GALNT13: variants seen among roughly 807,000 people sequenced by gnomAD.
GALNT13 encodes UDP-GalNAc:polypeptide N-acetylgalactosaminyltransferase 13.
GALNT13 carries 28 observed loss-of-function variants against 64.2 expected under a neutral mutation model. The observed-to-expected ratio is 0.44, with a 90% CI of 0.32 to 0.60. GALNT13 has a LOEUF of 0.60. GALNT13 is among the 20% of genes least tolerant of loss of function. The pLI is 0.05. For synonymous variants in GALNT13, 214 were observed against 224.6 expected, an observed-to-expected ratio of 0.95 and a Z score of 0.42; for missense variants, 577 against 669.8, an observed-to-expected ratio of 0.86 and a Z score of 1.53.
At chr2:153,965,933 T>C (rs374012640) in intron 3 of GALNT13, among the ~76,000 whole-genome samples, 3 of 152,068 alleles carry the variant, frequency 2.0e-5, no homozygotes, top group African/African-American at 7.2e-5. Context: ...CTATTTTTGA[T>C]AGGTTGGTTT....
chr2:154,157,164 C>T (rs1573771575), intron 4 of GALNT13, among the ~76,000 whole-genome samples: 1 of 152,076 alleles, frequency 6.6e-6, no homozygotes, highest in Non-Finnish European at 1.5e-5. Flanking sequence ...CCTTCTGTTT[C>T]ACTGAGAAAA....
intron 4 of GALNT13, among the ~76,000 whole-genome samples, chr2:154,176,173 A>C (rs951732684): frequency 6.6e-6 from 1 of 152,072 alleles, no homozygotes; most frequent in East Asian, 1.9e-4. Context: ...TTGTTATAAG[A>C]ATCTGTGCCT....
chr2:154,454,288 A>T (rs1055783171), downstream of GALNT13, among the ~76,000 whole-genome samples: 1 of 152,094 alleles, frequency 6.6e-6, no homozygotes, highest in East Asian at 1.9e-4. Context: ...TGTTGCCTGG[A>T]CCCCTTATTG....
chr2:154,377,175 A>G (rs1698039302), intron 9 of GALNT13, among the ~76,000 whole-genome samples: 1 of 152,174 alleles, frequency 6.6e-6, no homozygotes, highest in African/African-American at 2.4e-5. Context: ...CTTGGTAAGT[A>G]TATACAACAA....
the GALNT13 span, among the ~76,000 whole-genome samples, chr2:153,257,828 G>A: frequency 2.6e-5 from 4 of 152,148 alleles, no homozygotes; most frequent in African/African-American, 9.7e-5. Context: ...GACACAATTG[G>A]AGGAACTGGT....
chr2:153,984,435 A>G (rs1052309640), intron 3 of GALNT13, among the ~76,000 whole-genome samples: 35 of 151,844 alleles, frequency 2.3e-4, no homozygotes, highest in Non-Finnish European at 8.9e-5. Flanking sequence ...ATACATCCTA[A>G]CAGTGAAATT....
chr2:153,532,005 G>A, the GALNT13 span, among the ~76,000 whole-genome samples: 1 of 152,144 alleles, frequency 6.6e-6, no homozygotes, highest in Non-Finnish European at 1.5e-5. Flanking sequence ...GGTGCACAGG[G>A]CAAGCTGTCC....
At chr2:153,592,049 C>G in the GALNT13 span, among the ~76,000 whole-genome samples, 2 of 147,960 alleles carry the variant, frequency 1.4e-5, no homozygotes, top group African/African-American at 5.1e-5. Flanking sequence ...AGCAAACTGA[C>G]AAATGGTTAA....
chr2:153,310,761 T>C, the GALNT13 span, among the ~76,000 whole-genome samples: 1 of 152,154 alleles, frequency 6.6e-6, no homozygotes, highest in Non-Finnish European at 1.5e-5. Context: ...TACAGATGGA[T>C]TTTGAACTGC....
At chr2:153,718,431 TTTTTG>T in the GALNT13 span, among the ~76,000 whole-genome samples, 6 of 151,354 alleles carry the variant, frequency 4.0e-5, no homozygotes, top group East Asian at 1.9e-4. Context: ...TTTTTTCATG[TTTTTG>T]TTTTGTTTTG....
chr2:154,438,511 G>A (rs1574308783), intron 11 of GALNT13, 81 bp from the exon 12 acceptor site: 7 of 997,522 alleles, frequency 7.0e-6, no homozygotes, highest in East Asian at 2.5e-5. Flanking sequence ...TATCTGATAC[G>A]AAAGCTTCCC....
intron 6 of GALNT13, among the ~76,000 whole-genome samples, chr2:154,245,104 AAAATAAATAAATAAATAAATAAAT>A (rs61010587): frequency 7.3e-6 from 1 of 137,788 alleles, no homozygotes; most frequent in Non-Finnish European, 1.6e-5. Flanking sequence ...AGGCTCTGTC[AAAATAAATAAATAAATAAATAAAT>A]AAATAAATAA....
At chr2:153,597,450 A>G in the GALNT13 span, among the ~76,000 whole-genome samples, 3 of 152,114 alleles carry the variant, frequency 2.0e-5, no homozygotes, top group Admixed American at 2.0e-4. Context: ...AAATAAAGTT[A>G]GACACTTGCC....
the GALNT13 span, among the ~76,000 whole-genome samples, chr2:153,454,656 C>T: frequency 6.6e-6 from 1 of 152,168 alleles, no homozygotes; most frequent in Admixed American, 6.5e-5. Flanking sequence ...GGGAATTGTC[C>T]TAGATTTCCT....
chr2:154,288,204 A>G (rs1692388167), intron 8 of GALNT13, among the ~76,000 whole-genome samples: 1 of 152,024 alleles, frequency 6.6e-6, no homozygotes, highest in Admixed American at 6.6e-5. Context: ...AAAACATCGG[A>G]TCTCATGAGA....
chr2:153,121,826 A>AT, the GALNT13 span, among the ~76,000 whole-genome samples: 2 of 152,278 alleles, frequency 1.3e-5, no homozygotes, highest in Admixed American at 1.3e-4. Flanking sequence ...GAGCTACTGC[A>AT]TTTTTTACGA....
At chr2:153,169,991 T>A in the GALNT13 span, among the ~76,000 whole-genome samples, 1 of 152,314 alleles carries the variant, frequency 6.6e-6, no homozygotes, top group East Asian at 1.9e-4. Context: ...TAAAACCAAC[T>A]AATCTTCATG....
At chr2:153,366,279 T>C in the GALNT13 span, among the ~76,000 whole-genome samples, 3 of 152,076 alleles carry the variant, frequency 2.0e-5, no homozygotes, top group Non-Finnish European at 4.4e-5. Context: ...TCAGGACTAA[T>C]AGCTAATGCA....
At chr2:153,719,447 G>C in the GALNT13 span, among the ~76,000 whole-genome samples, 1 of 152,146 alleles carries the variant, frequency 6.6e-6, no homozygotes, top group Admixed American at 6.5e-5. Flanking sequence ...AAGCTAATAT[G>C]GGGGGAGGAG....
Sources: allele counts gnomAD v4.1 joint callset (sites outside exome capture counted in the v4.1 genomes callset), GRCh38; gene constraint gnomAD v4.1.1; transcripts MANE v1.5; gene names NCBI Gene and HGNC (gene_info 2026-07-23, HGNC 2026-07-21).